APBB2: variants seen among roughly 807,000 people sequenced by gnomAD.
APBB2 encodes Fe65-like 1.
Under a neutral mutation model 82.5 loss-of-function variants are expected in APBB2, and 38 were observed. The observed-to-expected ratio is 0.46, with a 90% CI of 0.36 to 0.60. The LOEUF is 0.60. Ranked by LOEUF, APBB2 falls within the 20% of genes least tolerant of loss-of-function variation. The pLI is 0.00. For synonymous variants in APBB2, 341 were observed against 368.2 expected (o/e 0.93, Z 0.85); for missense variants, 772 against 972.3 (o/e 0.79, Z 2.74).
At chr4:41,026,645 T>C (rs967008686) in intron 5 of APBB2, among the ~76,000 whole-genome samples, 9 of 152,240 alleles carry the variant, frequency 5.9e-5, no homozygotes, top group Non-Finnish European at 1.3e-4. Flanking sequence ...TCATCCATGT[T>C]GTAGCATGTA....
chr4:40,933,613 C>G (rs1028050575), intron 10 of APBB2, among the ~76,000 whole-genome samples: 1 of 152,158 alleles, frequency 6.6e-6, no homozygotes, highest in Non-Finnish European at 1.5e-5. Flanking sequence ...CGTGCTCACA[C>G]CCATGTCTCT....
chr4:40,926,758 G>A lies in APBB2; in HGVS notation c.1254+7698C>T, dbSNP rs556827286. On this transcript the variant is annotated intron_variant, in intron 10 of 17. Coordinates refer to ENST00000508593, the MANE Select transcript of APBB2 (RefSeq NM_004307.2). ...AAGCGATAACTGGGAACAGGTGGGC[G>A]TGACACTTTCCTGGCCTTTGGAATC... Among the ~76,000 whole-genome samples the A allele has an allele frequency of 2.8e-3, 429 of 152,370 alleles. 1 individual carries two copies. Among genetic ancestry groups the A allele is most frequent in the Middle Eastern group, 6.8e-3 (2 of 294 alleles).
intron 1 of APBB2, among the ~76,000 whole-genome samples, chr4:41,159,914 AGGAGGAGGAGGAGGAGGAGGAGGAGG>A (rs1257661854): frequency 0.075 from 1,377 of 18,388 alleles, 166 homozygotes; most frequent in African/African-American, 0.15. Context: ...GAGAAGGAGG[AGGAGGAGGAGGAGGAGGAGGAGGAGG>A]AGGAGAAGGA....
intron 4 of APBB2, among the ~76,000 whole-genome samples, chr4:41,055,249 G>A (rs1021987845): frequency 1.3e-5 from 2 of 152,164 alleles, no homozygotes; most frequent in Non-Finnish European, 2.9e-5. Flanking sequence ...CATGTGGGCC[G>A]TGACCAGTAT....
intron 10 of APBB2, among the ~76,000 whole-genome samples, chr4:40,900,907 A>G (rs776683173): frequency 1.3e-5 from 2 of 152,162 alleles, no homozygotes; most frequent in Non-Finnish European, 2.9e-5. Context: ...CTTATTATCA[A>G]TGGGACAAAC....
At chr4:40,894,999 C>CAG (rs1773274732) in intron 10 of APBB2, among the ~76,000 whole-genome samples, 1 of 152,162 alleles carries the variant, frequency 6.6e-6, no homozygotes, top group Non-Finnish European at 1.5e-5. Context: ...TGGGAGCCAA[C>CAG]AGACTGGATC....
At chr4:40,950,133 T>C (rs1314684194) in intron 6 of APBB2, among the ~76,000 whole-genome samples, 5 of 152,270 alleles carry the variant, frequency 3.3e-5, no homozygotes, top group East Asian at 1.9e-4. Context: ...CACAACACAA[T>C]AGATTTCCTT....
At chr4:40,933,701 G>A (rs1172108884) in intron 10 of APBB2, among the ~76,000 whole-genome samples, 2 of 152,216 alleles carry the variant, frequency 1.3e-5, no homozygotes, top group African/African-American at 4.8e-5. Context: ...ATGCCGGGGG[G>A]CCAGAAGGTG....
chr4:41,005,086 T>G, intron 6 of APBB2, among the ~76,000 whole-genome samples: 1 of 152,156 alleles, frequency 6.6e-6, no homozygotes, highest in East Asian at 1.9e-4. Flanking sequence ...TATTATTTAT[T>G]AACTTAAGGG....
In APBB2 at chr4:40,987,127, T is replaced by G. The variant is rs1000235153; in HGVS notation, c.835+26456A>C. On this transcript the variant is annotated intron_variant, in intron 6 of 17. Transcript: ENST00000508593. ...AAATTACTATTATCCTTAAGAGAAG[T>G]AGTAGGTAAAAATTTTAACTCTTTT... Among the ~76,000 whole-genome samples the G allele has an allele frequency of 5.9e-4, 90 of 152,306 alleles. 1 individual carries two copies. Among genetic ancestry groups the G allele is most frequent in the African/African-American group, 1.9e-3 (81 of 41,566 alleles).
chr4:41,184,601 C>G (rs775955675), intron 1 of APBB2, among the ~76,000 whole-genome samples: 2 of 152,196 alleles, frequency 1.3e-5, no homozygotes, highest in Non-Finnish European at 2.9e-5. Flanking sequence ...TATTTTTCTC[C>G]ATTGTGTGTC....
chr4:41,005,353 G>A (rs567735580), intron 6 of APBB2, among the ~76,000 whole-genome samples: 1 of 152,182 alleles, frequency 6.6e-6, no homozygotes, highest in South Asian at 2.1e-4. Context: ...CTCCCAAAGT[G>A]CTGGCATTAC....
chr4:40,948,760 T>TAAAAAA (rs34662232), intron 6 of APBB2, among the ~76,000 whole-genome samples: 1 of 83,358 alleles, frequency 1.2e-5, no homozygotes, highest in African/African-American at 4.8e-5. Flanking sequence ...ACTCCCATCT[T>TAAAAAA]AAAAAAAAAA....
intron 12 of APBB2, chr4:40,880,053 G>A (rs950872919): frequency 4.1e-6 from 4 of 985,248 alleles, no homozygotes; most frequent in Non-Finnish European, 3.6e-6. Flanking sequence ...CACTGGGAGC[G>A]ATGGCACTTA....
chr4:40,842,110 G>C (rs1756010295), intron 12 of APBB2, among the ~76,000 whole-genome samples: 1 of 152,212 alleles, frequency 6.6e-6, no homozygotes, highest in Non-Finnish European at 1.5e-5. Flanking sequence ...CCACATTGGT[G>C]TTAGACTTAA....
At chr4:41,115,109 T>C (rs1266840909) in intron 2 of APBB2, among the ~76,000 whole-genome samples, 1 of 152,210 alleles carries the variant, frequency 6.6e-6, no homozygotes, top group Admixed American at 6.5e-5. Context: ...AGCATGGTAC[T>C]GGTACTAAAA....
chr4:41,084,103 A>T (rs1738736240), intron 3 of APBB2, among the ~76,000 whole-genome samples: 1 of 152,212 alleles, frequency 6.6e-6, no homozygotes, highest in Non-Finnish European at 1.5e-5. Flanking sequence ...ACAAACTAAT[A>T]AATCTATGAA....
chr4:40,831,782 G>A (rs1751983952), intron 12 of APBB2, among the ~76,000 whole-genome samples: 1 of 152,102 alleles, frequency 6.6e-6, no homozygotes, highest in Non-Finnish European at 1.5e-5. Context: ...ATCTCAGAGC[G>A]ACGGCAGCGG....
chr4:41,042,219 G>C (rs1003952959), intron 4 of APBB2, among the ~76,000 whole-genome samples: 8 of 152,192 alleles, frequency 5.3e-5, no homozygotes, highest in African/African-American at 1.4e-4. Flanking sequence ...TTCATCTCCT[G>C]ATCTCATGAT....
Sources: allele counts gnomAD v4.1 joint callset (sites outside exome capture counted in the v4.1 genomes callset), GRCh38; gene constraint gnomAD v4.1.1; transcripts MANE v1.5; gene names NCBI Gene and HGNC (gene_info 2026-07-23, HGNC 2026-07-21).